ATP2B2: variants seen among roughly 807,000 people sequenced by gnomAD.
ATP2B2 encodes plasma membrane calcium-transporting ATPase 2.
Under a neutral mutation model 120.0 loss-of-function variants are expected in ATP2B2, and 15 were observed. The observed-to-expected ratio is 0.12, with a 90% confidence interval of 0.08 to 0.19. ATP2B2 has a LOEUF of 0.19. Ranked by LOEUF, ATP2B2 falls within the 10% of genes least tolerant of loss-of-function variation. ATP2B2 has a pLI of 1.00. For synonymous variants in ATP2B2, 694 were observed against 700.3 expected, an observed-to-expected ratio of 0.99 and a Z score of 0.14; for missense variants, 1,045 against 1,719.8, an observed-to-expected ratio of 0.61 and a Z score of 6.94.
At chr3:10,691,323 C>T (rs769245368) in intron 1 of ATP2B2, among the ~76,000 whole-genome samples, 1 of 152,234 alleles carries the variant, frequency 6.6e-6, no homozygotes, top group Non-Finnish European at 1.5e-5. Context: ...GCCATGAGTA[C>T]GATGAGGTGG....
At chr3:10,507,846 C>A (rs750610142), upstream of ATP2B2, among the ~76,000 whole-genome samples, 1 of 152,138 alleles carries the variant, frequency 6.6e-6, no homozygotes, top group Non-Finnish European at 1.5e-5. Flanking sequence ...GATGTGGTGG[C>A]CAGGGCAAGG....
chr3:10,344,854 T>C (rs1559537478), intron 18 of ATP2B2, among the ~76,000 whole-genome samples: 1 of 152,204 alleles, frequency 6.6e-6, no homozygotes. Context: ...TCGTGGTATC[T>C]GGCCAGACTC....
intron 2 of ATP2B2, among the ~76,000 whole-genome samples, chr3:10,566,731 G>A (rs1262509591): frequency 6.6e-6 from 1 of 152,220 alleles, no homozygotes; most frequent in Non-Finnish European, 1.5e-5. Context: ...AGACAGGGTG[G>A]CTGTAACAGC....
intron 18 of ATP2B2, among the ~76,000 whole-genome samples, chr3:10,345,020 T>C (rs2060390448): frequency 6.6e-6 from 1 of 152,086 alleles, no homozygotes; most frequent in Non-Finnish European, 1.5e-5. Context: ...CCTTGGGCCC[T>C]GGCCTGCCCC....
At chr3:10,517,919 G>T (rs1177787513) in intron 3 of ATP2B2, among the ~76,000 whole-genome samples, 1 of 152,212 alleles carries the variant, frequency 6.6e-6, no homozygotes, top group African/African-American at 2.4e-5. Flanking sequence ...CTCACACAGT[G>T]TGGGAAATGG....
intron 1 of ATP2B2, among the ~76,000 whole-genome samples, chr3:10,620,573 G>A (rs1284872496): frequency 4.6e-5 from 7 of 152,116 alleles, no homozygotes; most frequent in South Asian, 2.1e-4. Flanking sequence ...TTCCTTTCCC[G>A]CACCCCTAGT....
intron 2 of ATP2B2, among the ~76,000 whole-genome samples, chr3:10,616,353 C>T (rs1559488468): frequency 6.6e-6 from 1 of 152,176 alleles, no homozygotes; most frequent in Non-Finnish European, 1.5e-5. Context: ...TAGGAGAAGT[C>T]AGCTGTCTAG....
intron 1 of ATP2B2, among the ~76,000 whole-genome samples, chr3:10,454,094 G>A: frequency 6.6e-6 from 1 of 151,736 alleles, no homozygotes; most frequent in East Asian, 1.9e-4. Context: ...CAATGATTGT[G>A]TTTTGGGTAC....
intron 1 of ATP2B2, among the ~76,000 whole-genome samples, chr3:10,655,505 C>T (rs1196639332): frequency 1.7e-5 from 2 of 114,396 alleles, no homozygotes; most frequent in African/African-American, 1.1e-4. Flanking sequence ...CATCCAGACC[C>T]TTGCTACTCA....
intron 2 of ATP2B2, among the ~76,000 whole-genome samples, chr3:10,424,345 C>T (rs926131930): frequency 2.0e-5 from 3 of 152,238 alleles, no homozygotes; most frequent in African/African-American, 4.8e-5. Context: ...ATCATGTTGT[C>T]TGCTTCAGGA....
At chr3:10,367,118 AC>A (rs1320957641) in intron 12 of ATP2B2, among the ~76,000 whole-genome samples, 1 of 152,070 alleles carries the variant, frequency 6.6e-6, no homozygotes, top group Non-Finnish European at 1.5e-5. Context: ...CTTATTTGCT[AC>A]CACTGGCTCC....
intron 1 of ATP2B2, among the ~76,000 whole-genome samples, chr3:10,487,371 A>C (rs528632332): frequency 1.8e-4 from 28 of 152,200 alleles, no homozygotes; most frequent in Non-Finnish European, 3.7e-4. Context: ...CTGTGCTAGA[A>C]GGAGGATGCT....
intron 2 of ATP2B2, among the ~76,000 whole-genome samples, chr3:10,592,214 GGTGAATACTTAATAGTATTGA>G (rs1559475278): frequency 1.3e-5 from 2 of 152,194 alleles, no homozygotes; most frequent in Non-Finnish European, 2.9e-5. Flanking sequence ...GACTAAGAGA[GGTGAATACTTAATAGTATTGA>G]GTGAATACTC....
At chr3:10,396,917 C>T (rs2062056390) in intron 5 of ATP2B2, among the ~76,000 whole-genome samples, 1 of 152,184 alleles carries the variant, frequency 6.6e-6, no homozygotes, top group African/African-American at 2.4e-5. Context: ...CAGTCTGTTT[C>T]ACCCCCAAGT....
chr3:10,691,628 A>G (rs756692387), intron 1 of ATP2B2, among the ~76,000 whole-genome samples: 1 of 152,206 alleles, frequency 6.6e-6, no homozygotes, highest in Non-Finnish European at 1.5e-5. Context: ...AGGAGGAGAA[A>G]TGCTCTGGCT....
At chr3:10,335,430 C>A (rs1386240301) in intron 22 of ATP2B2, among the ~76,000 whole-genome samples, 1 of 149,886 alleles carries the variant, frequency 6.7e-6, no homozygotes, top group Admixed American at 6.7e-5. Context: ...CTCTGAACTG[C>A]TGGGGTGCAG....
At chr3:10,634,599 AG>A (rs1351292287) in intron 1 of ATP2B2, among the ~76,000 whole-genome samples, 1 of 152,226 alleles carries the variant, frequency 6.6e-6, no homozygotes, top group African/African-American at 2.4e-5. Flanking sequence ...TGTGACATAC[AG>A]AAAATATAAA....
At chr3:10,540,222 G>C (rs568749139) in intron 2 of ATP2B2, among the ~76,000 whole-genome samples, 144 of 152,270 alleles carry the variant, frequency 9.5e-4, no homozygotes, top group African/African-American at 3.0e-3. Flanking sequence ...GGAAACAACA[G>C]GTGCTGGAGA....
intron 2 of ATP2B2, among the ~76,000 whole-genome samples, chr3:10,615,168 C>G (rs1326565426): frequency 6.6e-6 from 1 of 152,068 alleles, no homozygotes; most frequent in Non-Finnish European, 1.5e-5. Context: ...AGCCTCAGGA[C>G]ATCAGGAAGC....
Sources: allele counts gnomAD v4.1 joint callset (sites outside exome capture counted in the v4.1 genomes callset), GRCh38; gene constraint gnomAD v4.1.1; transcripts MANE v1.5; gene names NCBI Gene and HGNC (gene_info 2026-07-23, HGNC 2026-07-21).